FHAD1: variants seen among roughly 807,000 people sequenced by gnomAD.
FHAD1 encodes forkhead associated phosphopeptide binding domain 1, also known as forkhead-associated domain-containing protein 1.
In FHAD1, 146 loss-of-function variants were observed where a neutral mutation model predicts 191.3. The observed-to-expected ratio is 0.76, with a 90% confidence interval of 0.67 to 0.88. The LOEUF (loss-of-function observed/expected upper bound fraction) is 0.88. FHAD1 is among the 40% of genes least tolerant of loss of function. The pLI is 0.00. For synonymous variants in FHAD1, 616 were observed against 672.3 expected, an observed-to-expected ratio of 0.92 and a Z score of 1.29; for missense variants, 1,635 against 1,785.8, an observed-to-expected ratio of 0.92 and a Z score of 1.52.
At chr1:15,249,557 T>C (rs1646513989) in intron 1 of FHAD1, among the ~76,000 whole-genome samples, 1 of 152,214 alleles carries the variant, frequency 6.6e-6, no homozygotes, top group Admixed American at 6.5e-5. Flanking sequence ...AAATTCTCAT[T>C]ATATGAAAGT....
In FHAD1 at chr1:15,329,163, T is replaced by TA. The variant is rs200514201; in HGVS notation, c.1711-174dup. 1.2e-3 allele frequency: 578 copies of TA among 488,918 alleles called. No homozygotes were observed. The highest frequency in any genetic ancestry group is 2.0e-3 in the South Asian group (46 of 22,490). 30.3% of individuals were successfully genotyped at this position (488,918 alleles called of 1,614,324 possible). On this transcript the variant is annotated intron_variant, in intron 13 of 33. Transcript: ENST00000688493. The surrounding 1 kb of genome is among the most constrained non-coding windows in gnomAD (Gnocchi z 5.0). Reference sequence around the variant, plus strand: ...CCATCAAAAGTCCAAATTAGAGTATTAAAAAAAAACCTGTCAAAACATAAA... The same window carrying TA: ...CCATCAAAAGTCCAAATTAGAGTATTAAAAAAAAAACCTGTCAAAACATAAA...
At chr1:15,265,988 AAGAG>A (rs1553230993) in intron 2 of FHAD1, among the ~76,000 whole-genome samples, 2 of 147,746 alleles carry the variant, frequency 1.4e-5, no homozygotes, top group African/African-American at 4.9e-5. Context: ...AAAAAAAAAA[AAGAG>A]AGAGAGAGTT....
Position 15,272,472 on chromosome 1 carries a change from C to A in FHAD1, c.243C>A (p.Ile81=), listed in dbSNP as rs1422727480. 6.4e-7 allele frequency: 1 copy of A among 1,551,106 alleles called. No homozygotes were observed. Among genetic ancestry groups the A allele is most frequent in the East Asian group, 2.4e-5 (1 of 40,916 alleles). The change falls in exon 3 of 34, where the codon ATC becomes ATA. Residue 81 remains isoleucine, a synonymous_variant. Coordinates refer to ENST00000688493, the MANE Select transcript of FHAD1 (RefSeq NM_001391957.1). ...NVAVKLIPGD[I]LRFGSAGLTY... is the part of the protein sequence containing the mutation. ...CTGTGAAGCTCATCCCTGGAGACAT[C>A]CTGAGATTTGGGTCTGCAGGGCTGA...
chr1:15,308,351 C>T lies in FHAD1; in HGVS notation c.916-262C>T, dbSNP rs144665881. 2.7e-3 allele frequency among the ~76,000 whole-genome samples: 417 copies of T among 152,288 alleles called. 3 individuals carry two copies. The highest frequency in any genetic ancestry group is 0.011 in the East Asian group (55 of 5,178). ...GTCATCAGAAGGCACATTAAGAAAC[C>T]AGGTGTCCCCAGTGGCAGCCAGGCC... On this transcript the variant is annotated intron_variant, in intron 6 of 33. Transcript: ENST00000688493.
rs182199665 is a variant in FHAD1 at position 15,379,586 on chromosome 1, C to T, written c.3706-1115C>T. Among the ~76,000 whole-genome samples the T allele has an allele frequency of 6.6e-3, 1,009 of 152,264 alleles. 11 individuals are homozygous for T. Among genetic ancestry groups the T allele is most frequent in the African/African-American group, 0.023 (961 of 41,548 alleles). On this transcript the variant is annotated intron_variant, in intron 28 of 33. Transcript: ENST00000688493. Reference sequence around the variant, plus strand: ...CCTTTACGGGTGTCTGGCTGGGGGACGGTCAGGTCTTTCCCTTCCCACGAG... The same window carrying T: ...CCTTTACGGGTGTCTGGCTGGGGGATGGTCAGGTCTTTCCCTTCCCACGAG...
At chr1:15,372,823 A>G (rs1418757608) in intron 26 of FHAD1, among the ~76,000 whole-genome samples, 1 of 152,216 alleles carries the variant, frequency 6.6e-6, no homozygotes, top group Non-Finnish European at 1.5e-5. Context: ...CTATCTACAA[A>G]TGAAAACGGT....
At position 15,311,524 on chromosome 1, in the gene FHAD1, C is replaced by T. The variant is rs1672269426; in HGVS notation, c.1040-1533C>T. 1.3e-5 allele frequency among the ~76,000 whole-genome samples: 2 copies of T among 152,142 alleles called. No homozygotes were observed. The highest frequency in any genetic ancestry group is 1.3e-4 in the Admixed American group (2 of 15,272). On this transcript the variant is annotated intron_variant, in intron 7 of 33. Transcript: ENST00000688493. The surrounding 1 kb of genome is among the most constrained non-coding windows in gnomAD (Gnocchi z 4.1). ...CCTCACAAAGCATGCAGGCAAGCCC[C>T]AGAGAGAGCAGTCTGTTTCTAAGGA...
intron 18 of FHAD1, among the ~76,000 whole-genome samples, chr1:15,347,042 C>G (rs915121828): frequency 6.6e-6 from 1 of 152,228 alleles, no homozygotes; most frequent in Non-Finnish European, 1.5e-5. Flanking sequence ...AACAAAAAGA[C>G]CTCTGGGCAA....
At chr1:15,391,099 A>C (rs920171583) in intron 32 of FHAD1, 111 bp from the exon 33 acceptor site, 22 of 396,640 alleles carry the variant, frequency 5.5e-5, no homozygotes, top group Non-Finnish European at 9.0e-5. Context: ...GGGAAGGCCC[A>C]GCGTTCCAAA....
At chr1:15,291,659 TG>T (rs372198364) in intron 4 of FHAD1, among the ~76,000 whole-genome samples, 146 of 152,318 alleles carry the variant, frequency 9.6e-4, no homozygotes, top group African/African-American at 1.4e-3. Flanking sequence ...ACACAGTTTC[TG>T]GGGGTCAGGC....
intron 19 of FHAD1, 149 bp downstream of exon 19, chr1:15,349,298 C>A: frequency 1.6e-6 from 1 of 631,796 alleles, no homozygotes. Context: ...TGACCTCCGG[C>A]AGATCGCCAC....
intron 4 of FHAD1, among the ~76,000 whole-genome samples, chr1:15,293,009 G>A (rs1403043881): frequency 6.6e-6 from 1 of 152,100 alleles, no homozygotes; most frequent in African/African-American, 2.4e-5. Context: ...TTTTGTTATG[G>A]CAACCTGAGC....
intron 16 of FHAD1, among the ~76,000 whole-genome samples, chr1:15,342,220 G>A (rs1433237893): frequency 6.6e-6 from 1 of 152,158 alleles, no homozygotes; most frequent in African/African-American, 2.4e-5. Flanking sequence ...CTAAATGTGC[G>A]CAAGATCAAC....
In FHAD1 at chr1:15,289,857, C is replaced by T. The variant is rs1663925052; in HGVS notation, c.568+191C>T. Among the ~76,000 whole-genome samples the T allele has an allele frequency of 1.3e-5, 2 of 152,266 alleles. No homozygotes were observed. The highest frequency in any genetic ancestry group is 4.2e-4 in the South Asian group (2 of 4,816). On this transcript the variant is annotated intron_variant, in intron 4 of 33. Transcript: ENST00000688493. The surrounding 1 kb of genome is among the most constrained non-coding windows in gnomAD (Gnocchi z 4.2). ...CCGTAATCCTTATCCCCAGGGTCTCCCTATTGACTCTCTGCTGCGTATCCC... is the reference window on the plus strand; with the variant it reads ...CCGTAATCCTTATCCCCAGGGTCTCTCTATTGACTCTCTGCTGCGTATCCC...
At chr1:15,280,091 T>G (rs867913274) in intron 3 of FHAD1, among the ~76,000 whole-genome samples, 69 of 152,104 alleles carry the variant, frequency 4.5e-4, no homozygotes, top group Middle Eastern at 3.4e-3. Context: ...GAGTTGGGGG[T>G]TTAGTCATCC....
chr1:15,243,265 G>A (rs1645607071), upstream of FHAD1, among the ~76,000 whole-genome samples: 1 of 152,200 alleles, frequency 6.6e-6, no homozygotes. Context: ...GTCTCTGTGT[G>A]TAGGTCTGTA....
rs1297131143 is a variant in FHAD1 at position 15,289,563 on chromosome 1, C to T, written c.465C>T (p.Pro155=). Residue 155 remains proline (P), a synonymous_variant, in exon 4 of 34, where the codon CCC becomes CCT. Coordinates refer to ENST00000688493, the MANE Select transcript of FHAD1 (RefSeq NM_001391957.1). This position sits in a 1 kb window ranked among gnomAD's most constrained non-coding sequence, Gnocchi z 4.2. ...QRSWSQAFPR[P]TVVLPASHRR... is the part of the protein sequence containing the mutation. ...GCTGGTCCCAGGCCTTTCCCAGACC[C>T]ACCGTGGTCCTGCCGGCCTCCCACA... 1.9e-6 allele frequency: 3 copies of T among 1,551,674 alleles called. No homozygotes were observed. Among genetic ancestry groups the T allele is most frequent in the Non-Finnish European group, 2.6e-6 (3 of 1,147,030 alleles).
intron 31 of FHAD1, among the ~76,000 whole-genome samples, chr1:15,386,830 C>CA (rs1174057902): frequency 6.7e-6 from 1 of 149,288 alleles, no homozygotes; most frequent in Non-Finnish European, 1.5e-5. Context: ...TTCTCTTTTT[C>CA]TTTTTTTTTC....
rs1029634746 is a variant in FHAD1, at chr1:15,362,652, G to A, written c.2973G>A (p.Glu991=). The change falls in exon 23 of 34, where the codon GAG becomes GAA. Residue 991 remains glutamate, a synonymous_variant. Transcript: ENST00000688493. ...GTCCCTCTGATACAGCCCCAAAGGAGGAAAGGCCGCAAGACCCTCTGGTGG... is the reference window on the plus strand; with the variant it reads ...GTCCCTCTGATACAGCCCCAAAGGAAGAAAGGCCGCAAGACCCTCTGGTGG... ...TLKDNDPAPK[E]ERPQDPLVAP... 8 of 1,551,780 alleles carry A rather than the reference G, an allele frequency of 5.2e-6. No homozygotes were observed. In the African/African-American group the frequency reaches 6.8e-5, roughly 13 times the overall value.
Sources: gnomAD v4.1 joint callset for allele counts (sites outside exome capture counted in the v4.1 genomes callset) on GRCh38, gnomAD v4.1.1 for gene constraint, Gnocchi (gnomAD v3.1) non-coding constraint, MANE v1.5 for transcripts, NCBI Gene and HGNC (gene_info 2026-07-23, HGNC 2026-07-21) for gene names.